Variants in NEO1 observed in about 807,000 individuals in gnomAD.
NEO1 encodes the protein neogenin.
In NEO1, 63 loss-of-function variants were observed where a neutral mutation model predicts 159.7. The observed-to-expected ratio is 0.39, with a 90% CI of 0.32 to 0.49. The LOEUF is 0.49. Ranked by LOEUF, NEO1 falls within the 20% of genes least tolerant of loss-of-function variation. The pLI, the probability that NEO1 is intolerant of heterozygous loss-of-function variation, is 0.85. For missense variants in NEO1, 1,615 were observed against 1,831.0 expected (o/e 0.88, Z 2.15); for synonymous variants, 633 against 662.0 (o/e 0.96, Z 0.67).
intron 26 of NEO1, among the ~76,000 whole-genome samples, chr15:73,297,501 T>C (rs984240018): frequency 2.0e-5 from 3 of 152,226 alleles, no homozygotes; most frequent in African/African-American, 7.2e-5. Flanking sequence ...ATTCTCCCTC[T>C]TTTGTAGATG....
chr15:73,210,398 T>A (rs573075769), intron 7 of NEO1, among the ~76,000 whole-genome samples: 1 of 152,212 alleles, frequency 6.6e-6, no homozygotes, highest in Non-Finnish European at 1.5e-5. Flanking sequence ...TTGGGCCTCA[T>A]TGGCACCAAC....
chr15:73,057,842 T>G (rs2067784425), intron 1 of NEO1, among the ~76,000 whole-genome samples: 1 of 152,216 alleles, frequency 6.6e-6, no homozygotes, highest in African/African-American at 2.4e-5. Context: ...TGTCACATTA[T>G]CTTTAAATCA....
At chr15:73,116,985 A>G (rs2071362711) in intron 2 of NEO1, 128 bp downstream of exon 2, 3 of 728,748 alleles carry the variant, frequency 4.1e-6, no homozygotes, top group Middle Eastern at 4.0e-4. Flanking sequence ...ACAGATATCA[A>G]TTGTGCATAT....
chr15:73,164,466 C>T (rs1319794971), intron 5 of NEO1, among the ~76,000 whole-genome samples: 1 of 152,134 alleles, frequency 6.6e-6, no homozygotes, highest in Non-Finnish European at 1.5e-5. Context: ...CTACCCGCCT[C>T]AGCCTCCCAA....
At chr15:73,103,205 T>C (rs2070495438) in intron 1 of NEO1, among the ~76,000 whole-genome samples, 1 of 152,206 alleles carries the variant, frequency 6.6e-6, no homozygotes, top group African/African-American at 2.4e-5. Context: ...CTAATCTCCA[T>C]TTGGCAGTAA....
At chr15:73,244,258 A>G (rs2039638134) in intron 8 of NEO1, 86 bp from the exon 9 acceptor site, 2 of 1,442,798 alleles carry the variant, frequency 1.4e-6, no homozygotes, top group Non-Finnish European at 1.9e-6. Context: ...ACACTGATAG[A>G]TTTTTATGTG....
chr15:73,122,915 A>G (rs1189789025), intron 3 of NEO1, 115 bp downstream of exon 3: 1 of 1,286,606 alleles, frequency 7.8e-7, no homozygotes, highest in Non-Finnish European at 1.1e-6. Flanking sequence ...CACACCTGTA[A>G]TCCCAGCACT....
chr15:73,113,384 A>G (rs1020540675), intron 1 of NEO1, among the ~76,000 whole-genome samples: 4 of 152,174 alleles, frequency 2.6e-5, no homozygotes, highest in African/African-American at 7.2e-5. Context: ...GCCATCCACC[A>G]TGCTAGGTGG....
intron 18 of NEO1, among the ~76,000 whole-genome samples, chr15:73,270,944 A>G (rs1451804567): frequency 6.6e-6 from 1 of 152,222 alleles, no homozygotes; most frequent in Non-Finnish European, 1.5e-5. Context: ...AGAACAGGCT[A>G]TCTGGGTTTG....
chr15:73,188,077 A>G (rs544968125), intron 7 of NEO1, among the ~76,000 whole-genome samples: 96 of 152,128 alleles, frequency 6.3e-4, no homozygotes, highest in Non-Finnish European at 9.0e-4. Context: ...AGATAACCCA[A>G]TTCTCCTGTG....
intron 5 of NEO1, chr15:73,161,726 A>G: frequency 4.9e-6 from 1 of 205,584 alleles, no homozygotes; most frequent in South Asian, 9.2e-5. Flanking sequence ...AATGTTACAT[A>G]AGTGAAATAA....
At chr15:73,141,712 TCTACTCTTATCC>T (rs2032403417) in intron 5 of NEO1, among the ~76,000 whole-genome samples, 1 of 152,238 alleles carries the variant, frequency 6.6e-6, no homozygotes, top group South Asian at 2.1e-4. Context: ...ACTCTTCTGC[TCTACTCTTATCC>T]CTGGCCACAT....
In NEO1 at chr15:73,270,249, C is replaced by T. The variant is rs1485347465; in HGVS notation, c.2718+16C>T. ...CAAGTACAAGGTACTGACACATTTG[C>T]CCTGGCTGAAAAAAGCTAATCATTG... On this transcript the variant is annotated intron_variant, in intron 17 of 28. Transcript: ENST00000261908. 2 of 1,613,640 alleles carry T rather than the reference C, an allele frequency of 1.2e-6. No homozygotes were observed. Among genetic ancestry groups the T allele is most frequent in the East Asian group, 2.2e-5 (1 of 44,880 alleles).
intron 7 of NEO1, among the ~76,000 whole-genome samples, chr15:73,220,285 G>C (rs2038159920): frequency 6.6e-6 from 1 of 152,320 alleles, no homozygotes; most frequent in Non-Finnish European, 1.5e-5. Flanking sequence ...TAGAGTTTCT[G>C]CCGAGAGATC....
In NEO1 at chr15:73,192,438, C is replaced by T. The variant is rs1022630677; in HGVS notation, c.1291+14011C>T. ...GTATGAGGAAACATAGTTTTGAGTT[C>T]TTGAAACATTGTAAATTTTTTTGAG... On this transcript the variant is annotated intron_variant, in intron 7 of 28. Transcript: ENST00000261908. Among the ~76,000 whole-genome samples the T allele has an allele frequency of 9.9e-5, 15 of 151,888 alleles. No homozygotes were observed. The East Asian group carries it at 2.7e-3, about 27-fold the overall frequency.
chr15:73,301,664 A>C, intron 28 of NEO1: 3 of 610,652 alleles, frequency 4.9e-6, no homozygotes, highest in Non-Finnish European at 8.2e-6. Flanking sequence ...TTTCTTTCCC[A>C]TATCCACTCT....
intron 11 of NEO1, 49 bp from the exon 12 acceptor site, chr15:73,253,351 T>C: frequency 8.9e-7 from 1 of 1,125,862 alleles, no homozygotes; most frequent in Non-Finnish European, 1.3e-6. Context: ...TGATGGGTGA[T>C]GTATGGGTGA....
At chr15:73,130,588 C>T (rs1431633098) in intron 4 of NEO1, among the ~76,000 whole-genome samples, 1 of 152,226 alleles carries the variant, frequency 6.6e-6, no homozygotes, top group Non-Finnish European at 1.5e-5. Flanking sequence ...GGAGCCTAGA[C>T]TTCCACCCTT....
At chr15:73,132,278 G>A (rs1178536314) in intron 4 of NEO1, among the ~76,000 whole-genome samples, 3 of 151,916 alleles carry the variant, frequency 2.0e-5, no homozygotes, top group South Asian at 2.1e-4. Flanking sequence ...CTATTGTTAC[G>A]GCCATAATCT....
Sources: allele counts gnomAD v4.1 joint callset (sites outside exome capture counted in the v4.1 genomes callset), GRCh38; gene constraint gnomAD v4.1.1; transcripts MANE v1.5; gene names NCBI Gene and HGNC (gene_info 2026-07-23, HGNC 2026-07-21).